Variants in AAGAB observed in about 807,000 individuals in gnomAD.
The protein encoded by AAGAB is alpha and gamma adaptin binding protein.
A neutral mutation model predicts 44.1 loss-of-function variants in AAGAB; 38 were observed. The ratio of observed to expected loss-of-function variants is 0.86; its 90% CI spans 0.67 to 1.13. AAGAB has a LOEUF of 1.13. Ranked by LOEUF, AAGAB falls within the 50% of genes most tolerant of loss-of-function variation. AAGAB has a pLI of 0.00. For missense variants in AAGAB, 450 were observed against 373.8 expected, an observed-to-expected ratio of 1.20 and a Z score of -1.68; for synonymous variants, 131 against 131.8, an observed-to-expected ratio of 0.99 and a Z score of 0.04.
intron 1 of AAGAB, among the ~76,000 whole-genome samples, chr15:67,237,870 T>C (rs1964507447): frequency 6.6e-6 from 1 of 152,180 alleles, no homozygotes; most frequent in Admixed American, 6.5e-5. Context: ...AGCAAGACAC[T>C]GAAAACTAGA....
Position 67,203,962 on chromosome 15 carries a change from G to A in AAGAB, c.820+82C>T, listed in dbSNP as rs148271197. The A allele has an allele frequency of 1.0e-3, 860 of 835,714 alleles. 13 individuals are homozygous for A. In the East Asian group the frequency reaches 0.016, roughly 15 times the overall value. The allele number at this position is 835,714 out of a possible 1,614,324, so 51.8% of individuals were successfully genotyped here. On this transcript the variant is annotated intron_variant, in intron 8 of 9. Transcript: ENST00000261880. ...AGACCAGAACAAGGAATCCAATCCA[G>A]CAGTTAACAAAATAAAATGCTACTA...
intron 7 of AAGAB, among the ~76,000 whole-genome samples, chr15:67,206,216 C>A (rs1043963536): frequency 4.6e-5 from 7 of 152,076 alleles, no homozygotes; most frequent in East Asian, 3.8e-4. Context: ...AGATTGTTTT[C>A]TTATTATTAG....
chr15:67,251,303 G>T (rs764204242), intron 1 of AAGAB, among the ~76,000 whole-genome samples: 2 of 151,970 alleles, frequency 1.3e-5, no homozygotes, highest in African/African-American at 2.4e-5. Flanking sequence ...GAGGGCAGTA[G>T]CACCATCACA....
chr15:67,240,115 C>T (rs1964561095), intron 1 of AAGAB, among the ~76,000 whole-genome samples: 2 of 152,220 alleles, frequency 1.3e-5, no homozygotes, highest in Non-Finnish European at 2.9e-5. Flanking sequence ...AAAGGATCCT[C>T]TGCCCTTTTA....
chr15:67,213,206 GA>G lies in AAGAB; in HGVS notation c.536-3663del, dbSNP rs1229902485. 2.6e-5 allele frequency among the ~76,000 whole-genome samples: 4 copies of G among 152,122 alleles called. No individual in the cohort carries two copies. In the East Asian group the frequency reaches 7.7e-4, roughly 29 times the overall value. The stretch of plus-strand genomic sequence containing the variant: ...GTACTCTAGTAAGTTGACACCAGTG[GA>G]TGCATGGATAAAAATGAAAATATCA... On this transcript the variant is annotated intron_variant, in intron 5 of 9. Transcript: ENST00000261880.
chr15:67,236,510 G>A lies in AAGAB; in HGVS notation c.265-6C>T, dbSNP rs1381683107. Reference sequence around the variant, plus strand: ...ACACTATCAAGGCCCGATTTCTAGAGGGAACAAAAAATATAAACAAACAAA... The same window carrying A: ...ACACTATCAAGGCCCGATTTCTAGAAGGAACAAAAAATATAAACAAACAAA... On this transcript the variant is annotated splice_polypyrimidine_tract_variant and splice_region_variant and intron_variant, in intron 2 of 9. Transcript: ENST00000261880. 2 of 1,612,994 alleles carry A rather than the reference G, an allele frequency of 1.2e-6. No homozygotes were observed. Among genetic ancestry groups the A allele is most frequent in the South Asian group, 1.1e-5 (1 of 90,908 alleles).
chr15:67,245,930 C>G (rs530008407), intron 1 of AAGAB, among the ~76,000 whole-genome samples: 1 of 152,286 alleles, frequency 6.6e-6, no homozygotes, highest in South Asian at 2.1e-4. Context: ...ACCAAATGAT[C>G]AAACATTTTC....
intron 1 of AAGAB, among the ~76,000 whole-genome samples, chr15:67,244,151 A>G (rs1048704143): frequency 3.3e-5 from 5 of 152,224 alleles, no homozygotes; most frequent in South Asian, 2.1e-4. Context: ...CCAAAACAGA[A>G]TAAGTTTGAT....
chr15:67,203,765 T>C (rs539733884), intron 8 of AAGAB, among the ~76,000 whole-genome samples, 168 bp from the exon 9 acceptor site: 1 of 152,348 alleles, frequency 6.6e-6, no homozygotes, highest in South Asian at 2.1e-4. Context: ...ATGGGAATGA[T>C]GTGAGTAAAT....
intron 5 of AAGAB, among the ~76,000 whole-genome samples, chr15:67,210,730 C>T (rs1023441367): frequency 4.6e-5 from 7 of 152,176 alleles, no homozygotes; most frequent in African/African-American, 7.2e-5. Context: ...TATTCAAGGA[C>T]GCTATCTGAG....
At chr15:67,212,046 A>AT (rs1257113664) in intron 5 of AAGAB, among the ~76,000 whole-genome samples, 2 of 151,810 alleles carry the variant, frequency 1.3e-5, no homozygotes, top group African/African-American at 2.4e-5. Context: ...CGCCCGACTA[A>AT]TTTTTTTTGT....
chr15:67,239,669 C>T (rs1470869958), intron 1 of AAGAB, among the ~76,000 whole-genome samples: 2 of 152,104 alleles, frequency 1.3e-5, no homozygotes, highest in African/African-American at 4.8e-5. Flanking sequence ...ATTATCACAT[C>T]TGTGCCATAT....
In AAGAB at chr15:67,203,567, C is replaced by G. The variant is rs1963616891; in HGVS notation, c.851G>C (p.Arg284Thr). The G allele has an allele frequency of 6.2e-7, 1 of 1,613,708 alleles. No homozygotes were observed. The highest frequency in any genetic ancestry group is 1.1e-5 in the South Asian group (1 of 91,048). Residue 284 changes from arginine to threonine, a missense_variant, in exon 9 of 10, where the codon AGA becomes ACA. Physicochemically the swap from Arg to Thr is moderately conservative, Grantham distance 71. Coordinates refer to ENST00000261880, the MANE Select transcript of AAGAB (RefSeq NM_024666.5). ...DKAATLPHEQRKVHAEKVAKA... is the reference protein window; with the variant it reads ...DKAATLPHEQTKVHAEKVAKA... ...TCTCACCTTTTCTGCATGCACTTTT[C>G]TTTGCTCATGAGGAAGCGTCGCAGC...
intron 8 of AAGAB, 137 bp from the exon 9 acceptor site, chr15:67,203,734 TAA>T (rs1173165418): frequency 1.3e-6 from 1 of 771,012 alleles, no homozygotes; most frequent in Admixed American, 2.8e-5. Context: ...AGGAAGTTTT[TAA>T]GTCTTCCAAA....
At chr15:67,225,774 T>A (rs1964190076) in intron 5 of AAGAB, among the ~76,000 whole-genome samples, 1 of 152,194 alleles carries the variant, frequency 6.6e-6, no homozygotes, top group Non-Finnish European at 1.5e-5. Flanking sequence ...ATATACCACA[T>A]TTTGTTTTCA....
chr15:67,235,833 T>A (rs1192314744), intron 4 of AAGAB, 146 bp downstream of exon 4: 2 of 615,112 alleles, frequency 3.3e-6, no homozygotes, highest in Non-Finnish European at 5.5e-6. Flanking sequence ...TGTAAGATTA[T>A]AAGATTACAT....
chr15:67,254,358 G>A, intron 1 of AAGAB: 1 of 1,360,290 alleles, frequency 7.4e-7, no homozygotes, highest in Non-Finnish European at 9.6e-7. Context: ...CGAAAGGAAC[G>A]CCGAAGAAGG....
At chr15:67,219,059 A>T (rs62014640) in intron 5 of AAGAB, among the ~76,000 whole-genome samples, 1,745 of 152,304 alleles carry the variant, frequency 0.011, 18 homozygotes, top group Non-Finnish European at 0.019. Context: ...TAGAAGTTTG[A>T]CCATCACAAT....
At chr15:67,251,600 C>T (rs1354110987) in intron 1 of AAGAB, among the ~76,000 whole-genome samples, 1 of 152,016 alleles carries the variant, frequency 6.6e-6, no homozygotes, top group African/African-American at 2.4e-5. Flanking sequence ...GTTATATTTC[C>T]CACTGGTGGT....
Sources: gnomAD v4.1 joint callset for allele counts (sites outside exome capture counted in the v4.1 genomes callset) on GRCh38, gnomAD v4.1.1 for gene constraint, MANE v1.5 for transcripts, NCBI Gene and HGNC (gene_info 2026-07-23, HGNC 2026-07-21) for gene names.